Variants in PARP11 observed in about 807,000 individuals in gnomAD.
PARP11 encodes the protein poly(ADP-ribose) polymerase family member 11.
Under a neutral mutation model 42.9 loss-of-function variants are expected in PARP11, and 31 were observed. That is an observed-to-expected ratio of 0.72 (90% confidence interval 0.54 to 0.98). The LOEUF (loss-of-function observed/expected upper bound fraction) is 0.98, where lower values mean the gene tolerates loss of function less well. Ranked by LOEUF, PARP11 falls within the 50% of genes least tolerant of loss-of-function variation. The pLI is 0.00. For missense variants in PARP11, 365 were observed against 413.1 expected, an observed-to-expected ratio of 0.88 and a Z score of 1.01; for synonymous variants, 137 against 127.3, an observed-to-expected ratio of 1.08 and a Z score of -0.51.
rs183410706 is a variant in PARP11 at position 3,833,045 on chromosome 12, C to T, written c.19-3027G>A. On this transcript the variant is annotated intron_variant, in intron 1 of 7. Transcript: ENST00000228820. ...TGGAAAATGAGTTTAAAGTCAAAAT[C>T]CTGGTCTATATAAGGAAAATAAGGC... is the stretch of plus-strand genomic sequence containing the variant. Among the ~76,000 whole-genome samples the T allele has an allele frequency of 1.8e-3, 278 of 152,256 alleles. 1 individual carries two copies. The highest frequency in any genetic ancestry group is 3.4e-3 in the Middle Eastern group (1 of 294).
chr12:3,824,544 A>C (rs1039493781), intron 4 of PARP11: 2 of 490,016 alleles, frequency 4.1e-6, no homozygotes, highest in Non-Finnish European at 2.7e-6. Context: ...TTTCTATATC[A>C]GCACCTACTG....
At chr12:3,820,119 A>G (rs941993960) in intron 6 of PARP11, among the ~76,000 whole-genome samples, 21 of 152,188 alleles carry the variant, frequency 1.4e-4, no homozygotes, top group African/African-American at 5.1e-4. Flanking sequence ...TCTGTGTTAC[A>G]ATGGTCTGGC....
chr12:3,849,162 G>A (rs1394378791), intron 1 of PARP11, among the ~76,000 whole-genome samples: 2 of 151,800 alleles, frequency 1.3e-5, no homozygotes, highest in African/African-American at 2.4e-5. Flanking sequence ...AAAGAATAAC[G>A]AATGCTAGCA....
In PARP11 at chr12:3,840,269, A is replaced by G; in HGVS notation, c.19-10251T>C. The G allele has an allele frequency of 6.2e-6, 10 of 1,613,906 alleles. No homozygotes were observed. Among genetic ancestry groups the G allele is most frequent in the Non-Finnish European group, 8.5e-6 (10 of 1,179,736 alleles). ...GTTTTGGTTGAAGAACTGGGAAAGT[A>G]CACATCAAAGAACCTCAAGGCACCT... On this transcript the variant is annotated intron_variant, in intron 1 of 7. Coordinates refer to ENST00000228820, the MANE Select transcript of PARP11 (RefSeq NM_020367.6). This position sits in a 1 kb window ranked among gnomAD's most constrained non-coding sequence, Gnocchi z 4.4.
At chr12:3,860,055 G>C (rs981907459) in intron 1 of PARP11, among the ~76,000 whole-genome samples, 1 of 152,034 alleles carries the variant, frequency 6.6e-6, no homozygotes, top group African/African-American at 2.4e-5. Context: ...GAATTATTAA[G>C]CAAAAAAGAA....
At chr12:3,841,474 T>C in intron 1 of PARP11, 1 of 1,461,518 alleles carries the variant, frequency 6.8e-7, no homozygotes, top group Admixed American at 1.7e-5. Flanking sequence ...TGATGCCCAC[T>C]TTCCTATGCA....
At chr12:3,825,922 G>C (rs1448580971) in intron 4 of PARP11, among the ~76,000 whole-genome samples, 3 of 152,012 alleles carry the variant, frequency 2.0e-5, no homozygotes, top group Non-Finnish European at 2.9e-5. Flanking sequence ...TAGAGACGGG[G>C]ATTCACCGTG....
intron 1 of PARP11, among the ~76,000 whole-genome samples, chr12:3,836,237 G>C (rs908862374): frequency 6.6e-6 from 1 of 151,772 alleles, no homozygotes; most frequent in Non-Finnish European, 1.5e-5. Flanking sequence ...ACATATAAGA[G>C]AATCCTAATG....
intron 1 of PARP11, among the ~76,000 whole-genome samples, chr12:3,846,944 G>T (rs1380928894): frequency 6.6e-6 from 1 of 151,858 alleles, no homozygotes; most frequent in South Asian, 2.1e-4. Flanking sequence ...AATTAGCTGG[G>T]CACGTGCCTG....
At chr12:3,831,245 A>ATC (rs141144974) in intron 1 of PARP11, among the ~76,000 whole-genome samples, 3,076 of 151,044 alleles carry the variant, frequency 0.02, 121 homozygotes, top group African/African-American at 0.071. Context: ...TATCTTTCAG[A>ATC]TCTCTCTCTC....
At chr12:3,817,228 A>G (rs901250895) in intron 6 of PARP11, among the ~76,000 whole-genome samples, 6 of 152,074 alleles carry the variant, frequency 3.9e-5, no homozygotes, top group Admixed American at 1.3e-4. Flanking sequence ...CTTTTCGGGC[A>G]CAAATTCGAT....
rs191518200 is a variant in PARP11 at position 3,811,763 on chromosome 12, G to A, written c.*360C>T. On this transcript the variant is annotated 3_prime_UTR_variant, in exon 8 of 8. Coordinates refer to ENST00000228820, the MANE Select transcript of PARP11 (RefSeq NM_020367.6). Reference sequence around the variant, plus strand: ...CTGTATTTTTTTTCAACATTTATACGAATAAGTCTATTTAAACTAAAATCA... The same window carrying A: ...CTGTATTTTTTTTCAACATTTATACAAATAAGTCTATTTAAACTAAAATCA... The A allele has an allele frequency of 2.4e-4, 43 of 178,730 alleles. No individual in the cohort carries two copies. The highest frequency in any genetic ancestry group is 7.8e-4 in the African/African-American group (33 of 42,534). The allele number at this position is 178,730 out of a possible 1,614,324, so 11.1% of individuals were successfully genotyped here. A position where few individuals can be genotyped will look rare whatever the true frequency, so the allele number is the denominator to read the frequency against.
At chr12:3,839,986 A>T in intron 1 of PARP11, 8 of 1,535,424 alleles carry the variant, frequency 5.2e-6, no homozygotes, top group Non-Finnish European at 7.2e-6. Context: ...TTTGTCAGGC[A>T]ACGAGCAGCT....
At chr12:3,846,779 A>AAAAT (rs59468704) in intron 1 of PARP11, among the ~76,000 whole-genome samples, 1 of 148,784 alleles carries the variant, frequency 6.7e-6, no homozygotes, top group African/African-American at 2.5e-5. Flanking sequence ...AAAGAAAAGA[A>AAAAT]AAAAGAAATA....
chr12:3,853,164 C>A (rs1015207237), intron 1 of PARP11, among the ~76,000 whole-genome samples: 2 of 152,196 alleles, frequency 1.3e-5, no homozygotes, highest in Non-Finnish European at 2.9e-5. Context: ...CAACCCGTAC[C>A]AGCCACTGCA....
chr12:3,823,954 A>C, intron 4 of PARP11, among the ~76,000 whole-genome samples: 1 of 151,754 alleles, frequency 6.6e-6, no homozygotes, highest in East Asian at 1.9e-4. Context: ...ACATTTGTTC[A>C]TCTGTCATGT....
chr12:3,824,622 C>T, intron 4 of PARP11: 1 of 984,054 alleles, frequency 1.0e-6, no homozygotes, highest in African/African-American at 1.7e-5. Flanking sequence ...GCTTATTGTC[C>T]TCCATTCTGC....
intron 7 of PARP11, among the ~76,000 whole-genome samples, chr12:3,812,911 T>G (rs1947213536): frequency 6.6e-6 from 1 of 152,094 alleles, no homozygotes; most frequent in Non-Finnish European, 1.5e-5. Flanking sequence ...CAAGCGATTC[T>G]CCTCCCTCAG....
At position 3,822,091 on chromosome 12, in the gene PARP11, T is replaced by A; in HGVS notation, c.411A>T (p.Pro137=). The change falls in exon 5 of 8, where the codon CCA becomes CCT. Residue 137 remains proline, a synonymous_variant. Coordinates refer to ENST00000228820, the MANE Select transcript of PARP11 (RefSeq NM_020367.6). The stretch of plus-strand genomic sequence containing the variant: ...CAGTCAATTCTGCTCTTACCTGATA[T>A]GGTACTTGAGTATTCACATTCTCCC... ...PHWENVNTQV[P]YQLIPLHNQT... 2.5e-6 allele frequency: 4 copies of A among 1,613,616 alleles called. No homozygotes were observed. The highest frequency in any genetic ancestry group is 3.4e-6 in the Non-Finnish European group (4 of 1,179,630).
Sources: gnomAD v4.1 joint callset for allele counts (sites outside exome capture counted in the v4.1 genomes callset) on GRCh38, gnomAD v4.1.1 for gene constraint, Gnocchi (gnomAD v3.1) non-coding constraint, MANE v1.5 for transcripts, NCBI Gene and HGNC (gene_info 2026-07-23, HGNC 2026-07-21) for gene names.